The following AP3B1 variants were observed in gnomAD, a reference collection of about 807,000 sequenced individuals.
AP3B1 encodes adaptor related protein complex 3 subunit beta 1.
A neutral mutation model predicts 132.5 loss-of-function variants in AP3B1; 61 were observed. The observed-to-expected ratio is 0.46, with a 90% CI of 0.37 to 0.57. The LOEUF is 0.57. AP3B1 is among the 20% of genes least tolerant of loss of function. AP3B1 has a pLI of 0.00. For synonymous variants in AP3B1, 388 were observed against 438.3 expected (o/e 0.89, Z 1.43); for missense variants, 1,120 against 1,289.4 (o/e 0.87, Z 2.01).
chr5:78,218,706 A>G (rs1746059525), intron 6 of AP3B1, among the ~76,000 whole-genome samples: 1 of 152,104 alleles, frequency 6.6e-6, no homozygotes, highest in Non-Finnish European at 1.5e-5. Context: ...CCTTGCATCT[A>G]TTTTGTCATG....
At chr5:78,004,852 G>A (rs1384026033) in intron 26 of AP3B1, among the ~76,000 whole-genome samples, 1 of 152,054 alleles carries the variant, frequency 6.6e-6, no homozygotes, top group African/African-American at 2.4e-5. Flanking sequence ...TTTTTAAAGA[G>A]GTTTTTATAA....
chr5:78,128,378 T>C (rs1752554179), intron 16 of AP3B1, among the ~76,000 whole-genome samples: 1 of 152,148 alleles, frequency 6.6e-6, no homozygotes, highest in African/African-American at 2.4e-5. Context: ...AGTCAGTGTG[T>C]TTAGAGGTGT....
chr5:78,111,928 C>T (rs1751609355), intron 19 of AP3B1, among the ~76,000 whole-genome samples: 1 of 152,106 alleles, frequency 6.6e-6, no homozygotes, highest in Admixed American at 6.5e-5. Flanking sequence ...AGGGGCAGAA[C>T]TAGAATCTGA....
intron 13 of AP3B1, among the ~76,000 whole-genome samples, chr5:78,160,899 T>C (rs1229040632): frequency 6.6e-6 from 1 of 151,990 alleles, no homozygotes; most frequent in East Asian, 1.9e-4. Context: ...TAGTGTAGCA[T>C]ATGTGATACA....
intron 15 of AP3B1, among the ~76,000 whole-genome samples, chr5:78,140,223 C>A (rs2052479): frequency 0.24 from 36,876 of 151,914 alleles, 4,753 homozygotes; most frequent in African/African-American, 0.32. Flanking sequence ...TTCTAAACTG[C>A]AAATCTGGTA....
At chr5:78,185,353 G>A (rs1382860961) in intron 7 of AP3B1, among the ~76,000 whole-genome samples, 3 of 152,150 alleles carry the variant, frequency 2.0e-5, no homozygotes, top group Non-Finnish European at 2.9e-5. Flanking sequence ...AATTATATTA[G>A]ATGGTTGAAG....
At chr5:78,007,721 T>C (rs74850414) in intron 26 of AP3B1, among the ~76,000 whole-genome samples, 5,291 of 152,284 alleles carry the variant, frequency 0.035, 307 homozygotes, top group African/African-American at 0.12. Flanking sequence ...TGAGTTATTA[T>C]AGTAGAACAT....
intron 19 of AP3B1, 36 bp from the exon 20 acceptor site, chr5:78,110,390 A>T (rs1280898745): frequency 2.6e-6 from 4 of 1,517,920 alleles, no homozygotes; most frequent in African/African-American, 1.4e-5. Context: ...TATGAACTTT[A>T]ACTCCTTTAT....
chr5:78,165,562 C>T (rs761271548), intron 12 of AP3B1, 48 bp downstream of exon 12: 2 of 1,306,104 alleles, frequency 1.5e-6, no homozygotes, highest in South Asian at 2.4e-5. Flanking sequence ...ATATTTAAGA[C>T]TGAACATATG....
intron 13 of AP3B1, among the ~76,000 whole-genome samples, chr5:78,159,342 C>T (rs148439324): frequency 1.1e-4 from 17 of 152,222 alleles, no homozygotes; most frequent in African/African-American, 3.9e-4. Context: ...GTTGCTGTCA[C>T]AGATTACTAA....
intron 7 of AP3B1, among the ~76,000 whole-genome samples, chr5:78,208,717 C>A (rs1745613240): frequency 6.6e-6 from 1 of 152,088 alleles, no homozygotes; most frequent in African/African-American, 2.4e-5. Flanking sequence ...ATCACAACAA[C>A]TGCACATAAA....
At chr5:78,062,058 T>C (rs184698243) in intron 22 of AP3B1, among the ~76,000 whole-genome samples, 3 of 152,330 alleles carry the variant, frequency 2.0e-5, no homozygotes, top group Admixed American at 2.0e-4. Context: ...CAGTTTTCAA[T>C]ATTTTTATTT....
At chr5:78,076,208 A>G (rs919969476) in intron 22 of AP3B1, among the ~76,000 whole-genome samples, 3 of 152,218 alleles carry the variant, frequency 2.0e-5, no homozygotes, top group Non-Finnish European at 4.4e-5. Flanking sequence ...GTATACTGTA[A>G]TTACATACTT....
chr5:78,123,668 G>A (rs1238554636), intron 17 of AP3B1, among the ~76,000 whole-genome samples: 160 of 152,082 alleles, frequency 1.1e-3, no homozygotes, highest in Admixed American at 1.1e-3. Flanking sequence ...ACACCAGTTA[G>A]AATGGCAATC....
chr5:78,169,277 T>C (rs1743801948), intron 11 of AP3B1, among the ~76,000 whole-genome samples: 1 of 152,166 alleles, frequency 6.6e-6, no homozygotes, highest in Non-Finnish European at 1.5e-5. Context: ...CTCTAACCCT[T>C]CGACCTCCCA....
chr5:78,174,381 C>G (rs1321395353), intron 11 of AP3B1, among the ~76,000 whole-genome samples: 1 of 152,114 alleles, frequency 6.6e-6, no homozygotes, highest in East Asian at 1.9e-4. Context: ...GTGTGGATAT[C>G]CTTTTAGTTG....
At chr5:78,058,455 G>A (rs994695056) in intron 22 of AP3B1, among the ~76,000 whole-genome samples, 23 of 152,036 alleles carry the variant, frequency 1.5e-4, no homozygotes, top group Admixed American at 1.2e-3. Flanking sequence ...AGCCGAGACC[G>A]CGCCATTGCA....
intron 26 of AP3B1, 53 bp from the exon 27 acceptor site, chr5:78,003,108 G>C: frequency 6.4e-7 from 1 of 1,573,006 alleles, no homozygotes; most frequent in South Asian, 1.1e-5. Context: ...GGGTAAAGGA[G>C]ATAGCATACA....
At chr5:78,260,047 T>C (rs1334278806) in intron 2 of AP3B1, among the ~76,000 whole-genome samples, 3 of 151,896 alleles carry the variant, frequency 2.0e-5, no homozygotes, top group Non-Finnish European at 4.4e-5. Flanking sequence ...AAAAGCAATC[T>C]CATTGTCATC....
Sources: gnomAD v4.1 joint callset for allele counts (sites outside exome capture counted in the v4.1 genomes callset) on GRCh38, gnomAD v4.1.1 for gene constraint, MANE v1.5 for transcripts, NCBI Gene and HGNC (gene_info 2026-07-23, HGNC 2026-07-21) for gene names.